The following RAB40C variants were observed in gnomAD, a reference collection of about 807,000 sequenced individuals.
RAB40C encodes the protein RAB40C, member RAS oncogene family.
In RAB40C, 8 loss-of-function variants were observed where a neutral mutation model predicts 28.1. That is an observed-to-expected ratio of 0.28 (90% CI 0.17 to 0.51). The LOEUF is 0.51. Among genes scored for constraint, RAB40C ranks in the 20% least tolerant of loss-of-function variants. The pLI is 0.97. For synonymous variants in RAB40C, 201 were observed against 171.7 expected, an observed-to-expected ratio of 1.17 and a Z score of -1.34; for missense variants, 288 against 405.9, an observed-to-expected ratio of 0.71 and a Z score of 2.50.
At chr16:600,458 G>A (rs2036225603) in intron 1 of RAB40C, among the ~76,000 whole-genome samples, 1 of 152,234 alleles carries the variant, frequency 6.6e-6, no homozygotes, top group African/African-American at 2.4e-5. Flanking sequence ...CTTTTTTAAA[G>A]AGCTTTGGTG....
At chr16:611,033 C>G (rs1398769872) in intron 1 of RAB40C, among the ~76,000 whole-genome samples, 1 of 152,230 alleles carries the variant, frequency 6.6e-6, no homozygotes, top group Admixed American at 6.5e-5. Context: ...TTCCTCTTCA[C>G]TGTTGCTGAG....
intron 3 of RAB40C, among the ~76,000 whole-genome samples, chr16:620,229 C>T (rs1441993464): frequency 6.6e-6 from 1 of 152,158 alleles, no homozygotes; most frequent in African/African-American, 2.4e-5. Context: ...CCCATCTCTA[C>T]GAAAAATACA....
chr16:625,380 G>T, intron 3 of RAB40C, 52 bp from the exon 4 acceptor site: 1 of 1,594,022 alleles, frequency 6.3e-7, no homozygotes. Flanking sequence ...CCTGGGCCTG[G>T]GCTGGCCATG....
Position 625,908 on chromosome 16 carries a change from G to A in RAB40C, c.352G>A (p.Gly118Arg), listed in dbSNP as rs1445146734. The A allele has an allele frequency of 2.5e-6, 4 of 1,612,336 alleles. No homozygotes were observed. Among genetic ancestry groups the A allele is most frequent in the South Asian group, 2.2e-5 (2 of 90,984 alleles). The change falls in exon 5 of 6, where the codon GGA (glycine) becomes AGA (arginine). Residue 118 changes from glycine (G) to arginine (R), a missense_variant. Gly to Arg is a moderately radical substitution (Grantham distance 125). This residue lies in a region of RAB40C where 153 missense variants were observed against 262.4 expected (regional missense o/e 0.58). Transcript: ENST00000248139. ...AGTTCTGTGCCCCCAGCATGCACCCGGAGTCCCCCGGATCTTGGTTGGAAA... is the reference window on the plus strand; with the variant it reads ...AGTTCTGTGCCCCCAGCATGCACCCAGAGTCCCCCGGATCTTGGTTGGAAA... The part of the protein sequence containing the change: ...WIKEIDEHAP[G>R]VPRILVGNRL...
At chr16:612,754 A>T (rs1344761696) in intron 1 of RAB40C, among the ~76,000 whole-genome samples, 1 of 15,788 alleles carries the variant, frequency 6.3e-5, no homozygotes, top group Non-Finnish European at 1.2e-4. Context: ...GGCCTGTAGA[A>T]TCAAGAGCAG....
Position 625,889 on chromosome 16 carries a change from G to A in RAB40C, c.343-10G>A, listed in dbSNP as rs750960412. On this transcript the variant is annotated splice_polypyrimidine_tract_variant and intron_variant, in intron 4 of 5. Coordinates refer to ENST00000248139, the MANE Select transcript of RAB40C (RefSeq NM_021168.5). The stretch of plus-strand genomic sequence containing the variant: ...TGCGTTTGTGCGTCTGCTGAGTTCT[G>A]TGCCCCCAGCATGCACCCGGAGTCC... The A allele has an allele frequency of 1.2e-6, 2 of 1,608,582 alleles. No individual in the cohort carries two copies. The highest frequency in any genetic ancestry group is 2.2e-5 in the East Asian group (1 of 44,712).
Position 627,515 on chromosome 16 carries a change from G to A in RAB40C, c.739G>A (p.Ala247Thr). The change falls in exon 6 of 6, where the codon GCC (alanine) becomes ACC (threonine). Residue 247 changes from alanine to threonine, a missense_variant. This residue lies in a region of RAB40C where 57 missense variants were observed against 55.3 expected (regional missense o/e 1.03). Coordinates refer to ENST00000248139, the MANE Select transcript of RAB40C (RefSeq NM_021168.5). ...HGRSYSLASG[A>T]GGGGSKGNSL... ...CCGTTCCTACTCCCTGGCCAGCGGG[G>A]CCGGGGGCGGCGGCAGCAAGGGCAA... The A allele has an allele frequency of 6.2e-7, 1 of 1,613,760 alleles. No individual in the cohort carries two copies. Among genetic ancestry groups the A allele is most frequent in the Non-Finnish European group, 8.5e-7 (1 of 1,180,004 alleles).
chr16:620,285 T>G (rs1320187090), intron 3 of RAB40C, among the ~76,000 whole-genome samples: 1 of 151,878 alleles, frequency 6.6e-6, no homozygotes, highest in African/African-American at 2.4e-5. Context: ...CCCAGCTACT[T>G]AGGAGGCTGA....
Position 610,014 on chromosome 16 carries a change from T to C in RAB40C, c.143-7194T>C, listed in dbSNP as rs1357907123. ...AATGGGTCCCACGGGAGGGTGGGGATGTGAACGGCACCAGCCTGGTGGCTC... is the reference window on the plus strand; with the variant it reads ...AATGGGTCCCACGGGAGGGTGGGGACGTGAACGGCACCAGCCTGGTGGCTC... On this transcript the variant is annotated intron_variant, in intron 1 of 5. Coordinates refer to ENST00000248139, the MANE Select transcript of RAB40C (RefSeq NM_021168.5). This position sits in a 1 kb window ranked among gnomAD's most constrained non-coding sequence, Gnocchi z 4.6. Among the ~76,000 whole-genome samples, 1 of 152,138 alleles carries C rather than the reference T, an allele frequency of 6.6e-6. No individual in the cohort carries two copies. Among genetic ancestry groups the C allele is most frequent in the Non-Finnish European group, 1.5e-5 (1 of 68,012 alleles).
At chr16:601,805 C>CA (rs1327965952) in intron 1 of RAB40C, among the ~76,000 whole-genome samples, 5 of 37,736 alleles carry the variant, frequency 1.3e-4, no homozygotes, top group South Asian at 8.4e-4. Flanking sequence ...CCTATCCCTG[C>CA]AAAAAAAAGT....
intron 1 of RAB40C, among the ~76,000 whole-genome samples, chr16:615,115 T>G (rs2036560754): frequency 1.3e-5 from 2 of 152,226 alleles, no homozygotes; most frequent in Non-Finnish European, 1.5e-5. Flanking sequence ...GTTGGAGTTA[T>G]TTGTAGAGTC....
At chr16:593,485 C>G (rs1367558039) in intron 1 of RAB40C, among the ~76,000 whole-genome samples, 2 of 152,208 alleles carry the variant, frequency 1.3e-5, no homozygotes, top group African/African-American at 4.8e-5. Context: ...AGTGGGTGCC[C>G]TTGGCAGGGA....
chr16:594,462 G>A (rs564921553), intron 1 of RAB40C, among the ~76,000 whole-genome samples: 52 of 152,276 alleles, frequency 3.4e-4, no homozygotes, highest in Non-Finnish European at 6.3e-4. Flanking sequence ...CCATGGGAGC[G>A]AGGGCACCCT....
At chr16:602,337 C>G (rs1006454867) in intron 1 of RAB40C, among the ~76,000 whole-genome samples, 1 of 151,296 alleles carries the variant, frequency 6.6e-6, no homozygotes, top group Non-Finnish European at 1.5e-5. Context: ...TCACTGCAGC[C>G]TCAAATTCCA....
upstream of RAB40C, chr16:589,376 G>C (rs1385835550): frequency 2.0e-5 from 3 of 152,268 alleles, no homozygotes; most frequent in African/African-American, 7.2e-5. Context: ...CCACCCCGCC[G>C]CTCCCTCCGA....
At chr16:619,509 G>A (rs1395831273) in intron 3 of RAB40C, among the ~76,000 whole-genome samples, 5 of 152,216 alleles carry the variant, frequency 3.3e-5, no homozygotes, top group East Asian at 1.9e-4. Context: ...GGGCAAGGAC[G>A]TGAAGCCCAT....
intron 3 of RAB40C, chr16:624,531 C>T (rs939452292): frequency 2.0e-6 from 2 of 985,302 alleles, no homozygotes; most frequent in Non-Finnish European, 2.4e-6. Context: ...ACACTTCAGT[C>T]TTCCAGATAT....
At chr16:605,036 C>T (rs762271192) in intron 1 of RAB40C, among the ~76,000 whole-genome samples, 15 of 151,996 alleles carry the variant, frequency 9.9e-5, no homozygotes, top group South Asian at 2.1e-4. Context: ...CCAGCCTGGG[C>T]GACAGAGTGA....
chr16:625,761 C>T (rs2036816383), intron 4 of RAB40C, 138 bp from the exon 5 acceptor site: 21 of 943,638 alleles, frequency 2.2e-5, no homozygotes, highest in Non-Finnish European at 2.7e-5. Context: ...CTGGGGTCTG[C>T]CCACCTTGAC....
Sources: gnomAD v4.1 joint callset for allele counts (sites outside exome capture counted in the v4.1 genomes callset) on GRCh38, gnomAD v4.1.1 for gene constraint, gnomAD v4.1.1 regional missense constraint, Gnocchi (gnomAD v3.1) non-coding constraint, MANE v1.5 for transcripts, NCBI Gene and HGNC (gene_info 2026-07-23, HGNC 2026-07-21) for gene names.